Variants in DAZAP1 observed in about 807,000 individuals in gnomAD.
DAZAP1 encodes the protein DAZ associated protein 1.
In DAZAP1, 6 loss-of-function variants were observed where a neutral mutation model predicts 60.1. That is an observed-to-expected ratio of 0.10 (90% CI 0.05 to 0.20). The LOEUF (loss-of-function observed/expected upper bound fraction) is 0.20, where lower values mean the gene tolerates loss of function less well. Among genes scored for constraint, DAZAP1 ranks in the 10% least tolerant of loss-of-function variants. The pLI, the probability that DAZAP1 is intolerant of heterozygous loss-of-function variation, is 1.00. For synonymous variants in DAZAP1, 235 were observed against 215.9 expected (o/e 1.09, Z -0.78); for missense variants, 366 against 560.4 (o/e 0.65, Z 3.50).
rs2083576349 is a variant in DAZAP1 at position 1,435,516 on chromosome 19, T to C, written c.*604T>C. The C allele has an allele frequency of 6.6e-6, 1 of 152,282 alleles. No individual in the cohort carries two copies. The highest frequency in any genetic ancestry group is 2.4e-5 in the African/African-American group (1 of 41,470). 9.4% of individuals were successfully genotyped at this position (152,282 alleles called of 1,614,324 possible). Reference sequence around the variant, plus strand: ...TTTTGTCGACTGACCTGCTTGGTAGTGTCTGAGGTGAACTGTGGGGGTTGC... The same window carrying C: ...TTTTGTCGACTGACCTGCTTGGTAGCGTCTGAGGTGAACTGTGGGGGTTGC... On this transcript the variant is annotated 3_prime_UTR_variant, in exon 12 of 12. Coordinates refer to ENST00000233078, the MANE Select transcript of DAZAP1 (RefSeq NM_018959.4).
chr19:1,421,769 C>A (rs535829978), intron 5 of DAZAP1, among the ~76,000 whole-genome samples: 1 of 152,162 alleles, frequency 6.6e-6, no homozygotes, highest in Non-Finnish European at 1.5e-5. Context: ...TGCCGTGCCC[C>A]GCAGGTCACA....
chr19:1,431,172 A>G (rs2083441583), intron 10 of DAZAP1, among the ~76,000 whole-genome samples: 1 of 151,298 alleles, frequency 6.6e-6, no homozygotes, highest in Non-Finnish European at 1.5e-5. Context: ...TCTGTCGCCC[A>G]GGCTAGAGTG....
At chr19:1,408,642 C>G (rs1299340207) in intron 1 of DAZAP1, among the ~76,000 whole-genome samples, 1 of 152,198 alleles carries the variant, frequency 6.6e-6, no homozygotes, top group African/African-American at 2.4e-5. Context: ...GCCTCCCCGC[C>G]GGGGGTGGGC....
intron 6 of DAZAP1, among the ~76,000 whole-genome samples, chr19:1,424,282 G>A (rs986296354): frequency 1.1e-4 from 17 of 150,018 alleles, no homozygotes; most frequent in Non-Finnish European, 2.5e-4. Flanking sequence ...CGCTCCTCTC[G>A]CTGTGTGCCT....
intron 7 of DAZAP1, chr19:1,427,085 C>A (rs749981348): frequency 1.3e-5 from 2 of 152,138 alleles, no homozygotes; most frequent in Non-Finnish European, 2.9e-5. Context: ...CCATTTGAAC[C>A]CAACTAAAAC....
In DAZAP1 at chr19:1,412,808, G is replaced by A. The variant is rs1166392413; in HGVS notation, c.30-4692G>A. On this transcript the variant is annotated intron_variant, in intron 1 of 11. Transcript: ENST00000233078. Reference sequence around the variant, plus strand: ...GTGGATTGAGCACCTGCCAGGTGTCGAGCTGCAGGCCCTGGGTGCCAGGCT... The same window carrying A: ...GTGGATTGAGCACCTGCCAGGTGTCAAGCTGCAGGCCCTGGGTGCCAGGCT... 2.0e-5 allele frequency among the ~76,000 whole-genome samples: 3 copies of A among 152,242 alleles called. No individual in the cohort carries two copies. In the East Asian group the frequency reaches 5.8e-4, roughly 29 times the overall value.
At chr19:1,430,968 G>C (rs971392905) in intron 10 of DAZAP1, among the ~76,000 whole-genome samples, 1 of 151,806 alleles carries the variant, frequency 6.6e-6, no homozygotes, top group East Asian at 2.0e-4. Flanking sequence ...TGATCCGCCT[G>C]CCTCGGCCTC....
chr19:1,433,022 G>T lies in DAZAP1; in HGVS notation c.1048+332G>T. On this transcript the variant is annotated intron_variant, in intron 11 of 11. Transcript: ENST00000233078. This position sits in a 1 kb window ranked among gnomAD's most constrained non-coding sequence, Gnocchi z 6.1. ...CTGTCTAGAGGTTCAGGCCCTCGGT[G>T]TGGGTCCCGGGTGCACTGGCCCCTT... is the stretch of plus-strand genomic sequence containing the variant. 3.6e-6 allele frequency: 1 copy of T among 279,818 alleles called. No individual in the cohort carries two copies. Among genetic ancestry groups the T allele is most frequent in the South Asian group, 5.5e-5 (1 of 18,022 alleles). The allele number at this position is 279,818 out of a possible 1,614,324, so 17.3% of individuals were successfully genotyped here.
intron 8 of DAZAP1, among the ~76,000 whole-genome samples, chr19:1,429,258 T>G (rs2083381253): frequency 6.6e-6 from 1 of 152,208 alleles, no homozygotes; most frequent in South Asian, 2.1e-4. Context: ...AGAGCTGCAG[T>G]GAGCGTCTGC....
rs2292458 is a variant in DAZAP1, at chr19:1,432,822, G to T, written c.1048+132G>T. ...GTGGGAAAGGGGAGAGGGAGGAGAG[G>T]GGGGTGTGGGGGTTGTTGGAGAGAT... On this transcript the variant is annotated intron_variant, in intron 11 of 11. Coordinates refer to ENST00000233078, the MANE Select transcript of DAZAP1 (RefSeq NM_018959.4). The surrounding 1 kb of genome is among the most constrained non-coding windows in gnomAD (Gnocchi z 4.9). 4.7e-6 allele frequency: 5 copies of T among 1,073,852 alleles called. No individual in the cohort carries two copies. In the East Asian group the frequency reaches 1.0e-4, roughly 22 times the overall value. The allele number at this position is 1,073,852 out of a possible 1,614,324, so 66.5% of individuals were successfully genotyped here. A position where few individuals can be genotyped will look rare whatever the true frequency, so the allele number is the denominator to read the frequency against.
At position 1,418,946 on chromosome 19, in the gene DAZAP1, A is replaced by G. The variant is rs1255438145; in HGVS notation, c.303+215A>G. 2.0e-5 allele frequency among the ~76,000 whole-genome samples: 3 copies of G among 152,114 alleles called. No homozygotes were observed. The highest frequency in any genetic ancestry group is 7.2e-5 in the African/African-American group (3 of 41,412). On this transcript the variant is annotated intron_variant, in intron 4 of 11. Coordinates refer to ENST00000233078, the MANE Select transcript of DAZAP1 (RefSeq NM_018959.4). This position sits in a 1 kb window ranked among gnomAD's most constrained non-coding sequence, Gnocchi z 5.7. ...TTACTAATCTATCTTAGGGAAAAAA[A>G]AAATGACAGCTCATGCCACTGATTA...
In DAZAP1 at chr19:1,434,855, C is replaced by T. The variant is rs373511674; in HGVS notation, c.1167C>T (p.Ser389=). ...PGSGGPPAGG[S]GFGRGQNHNV... is the part of the protein sequence containing the mutation. Reference sequence around the variant, plus strand: ...CGGGGGGCCCCCCCGCCGGCGGCAGCGGCTTTGGACGAGGGCAGAACCACA... The same window carrying T: ...CGGGGGGCCCCCCCGCCGGCGGCAGTGGCTTTGGACGAGGGCAGAACCACA... Residue 389 remains serine (S), a synonymous_variant, in exon 12 of 12, where the codon AGC becomes AGT. Transcript: ENST00000233078. This position sits in a 1 kb window ranked among gnomAD's most constrained non-coding sequence, Gnocchi z 8.0. 2.2e-5 allele frequency: 36 copies of T among 1,601,234 alleles called. No individual in the cohort carries two copies. Among genetic ancestry groups the T allele is most frequent in the Non-Finnish European group, 2.9e-5 (34 of 1,174,436 alleles).
chr19:1,434,505 T>C lies in DAZAP1; in HGVS notation c.1049-232T>C. 2.0e-6 allele frequency: 1 copy of C among 509,116 alleles called. No homozygotes were observed. Among genetic ancestry groups the C allele is most frequent in the Non-Finnish European group, 3.5e-6 (1 of 286,674 alleles). The allele number at this position is 509,116 out of a possible 1,614,324, so 31.5% of individuals were successfully genotyped here. On this transcript the variant is annotated intron_variant, in intron 11 of 11. Coordinates refer to ENST00000233078, the MANE Select transcript of DAZAP1 (RefSeq NM_018959.4). This position sits in a 1 kb window ranked among gnomAD's most constrained non-coding sequence, Gnocchi z 8.0. Reference sequence around the variant, plus strand: ...TGAGGTTACGTGGGCCATGGAGGGCTCTGGAAGCCGCTTTTCTCTGTGTGT... The same window carrying C: ...TGAGGTTACGTGGGCCATGGAGGGCCCTGGAAGCCGCTTTTCTCTGTGTGT...
In DAZAP1 at chr19:1,425,223, C is replaced by T. The variant is rs2083277084; in HGVS notation, c.464-655C>T. On this transcript the variant is annotated intron_variant, in intron 6 of 11. Transcript: ENST00000233078. This position sits in a 1 kb window ranked among gnomAD's most constrained non-coding sequence, Gnocchi z 5.4. The stretch of plus-strand genomic sequence containing the variant: ...TCTAGGACTCCTTGGGCTTACCCAA[C>T]GGTGTTGCGTAAGCCTAGCGAGGCA... Among the ~76,000 whole-genome samples, 1 of 152,166 alleles carries T rather than the reference C, an allele frequency of 6.6e-6. No individual in the cohort carries two copies. Among genetic ancestry groups the T allele is most frequent in the African/African-American group, 2.4e-5 (1 of 41,420 alleles).
rs199534001 is a variant in DAZAP1, at chr19:1,423,856, G to C, written c.463+1460G>C. Among the ~76,000 whole-genome samples, 1 of 152,228 alleles carries C rather than the reference G, an allele frequency of 6.6e-6. No individual in the cohort carries two copies. Among genetic ancestry groups the C allele is most frequent in the Admixed American group, 6.5e-5 (1 of 15,290 alleles). ...GCGTCCTGTCCTGTCCCGTGTGGAC[G>C]GGACGTGGCGAGTGTCGCTGAGTCC... On this transcript the variant is annotated intron_variant, in intron 6 of 11. Coordinates refer to ENST00000233078, the MANE Select transcript of DAZAP1 (RefSeq NM_018959.4). This position sits in a 1 kb window ranked among gnomAD's most constrained non-coding sequence, Gnocchi z 6.8.
chr19:1,430,289 C>A lies in DAZAP1; in HGVS notation c.798C>A (p.Ile266=), dbSNP rs200390993. The change falls in exon 10 of 12, where the codon ATC becomes ATA. Residue 266 remains isoleucine (I), a synonymous_variant. Transcript: ENST00000233078. ...CACCCCCACCGTTCACCTCCTACAT[C>A]GTGTCCACCCCTCCTGGAGGCTTTC... ...PPPPPPFTSY[I]VSTPPGGFPP... The A allele has an allele frequency of 2.2e-6, 2 of 911,676 alleles. No homozygotes were observed. The highest frequency in any genetic ancestry group is 3.9e-5 in the East Asian group (1 of 25,952). The allele number at this position is 911,676 out of a possible 1,614,324, so 56.5% of individuals were successfully genotyped here. A position where few individuals can be genotyped will look rare whatever the true frequency, so the allele number is the denominator to read the frequency against.
Position 1,433,833 on chromosome 19 carries a change from T to C in DAZAP1, c.1049-904T>C, listed in dbSNP as rs201021133. On this transcript the variant is annotated intron_variant, in intron 11 of 11. Transcript: ENST00000233078. This position sits in a 1 kb window ranked among gnomAD's most constrained non-coding sequence, Gnocchi z 6.1. Reference sequence around the variant, plus strand: ...TGAGCAGTGATGTGGCCTAGGTAGGTGCCGCCTCCTTCTCCAGGGTCCTCC... The same window carrying C: ...TGAGCAGTGATGTGGCCTAGGTAGGCGCCGCCTCCTTCTCCAGGGTCCTCC... 3.4e-5 allele frequency: 55 copies of C among 1,612,888 alleles called. No homozygotes were observed. The East Asian group carries it at 1.2e-3, about 36-fold the overall frequency.
rs1371459134 is a variant in DAZAP1 at position 1,428,730 on chromosome 19, T to C, written c.547-112T>C. On this transcript the variant is annotated intron_variant, in intron 7 of 11. Transcript: ENST00000233078. This position sits in a 1 kb window ranked among gnomAD's most constrained non-coding sequence, Gnocchi z 4.0. ...ATAAGGTTTATAGTTAAGTATTTAG[T>C]CTTAAGTTGTAAGATGCTAAGTGTA... 3.1e-6 allele frequency: 4 copies of C among 1,277,154 alleles called. No homozygotes were observed. In the African/African-American group the frequency reaches 6.0e-5, roughly 19 times the overall value. 79.1% of individuals were successfully genotyped at this position (1,277,154 alleles called of 1,614,324 possible).
intron 10 of DAZAP1, 29 bp downstream of exon 10, chr19:1,430,391 C>T (rs1346982004): frequency 2.7e-6 from 4 of 1,470,106 alleles, no homozygotes; most frequent in Non-Finnish European, 3.6e-6. Context: ...GTGGGAGGGC[C>T]TCCCGCCTGC....
Sources: gnomAD v4.1 joint callset for allele counts (sites outside exome capture counted in the v4.1 genomes callset) on GRCh38, gnomAD v4.1.1 for gene constraint, Gnocchi (gnomAD v3.1) non-coding constraint, MANE v1.5 for transcripts, NCBI Gene and HGNC (gene_info 2026-07-23, HGNC 2026-07-21) for gene names.